CWF19L2: variants seen among roughly 807,000 people sequenced by gnomAD.
CWF19L2 encodes CWF19 like cell cycle control factor 2.
A neutral mutation model predicts 111.7 loss-of-function variants in CWF19L2; 98 were observed. The ratio of observed to expected loss-of-function variants is 0.88; its 90% confidence interval spans 0.75 to 1.04. CWF19L2 has a LOEUF of 1.04. Among genes scored for constraint, CWF19L2 ranks in the 50% least tolerant of loss-of-function variants. The probability of loss-of-function intolerance (pLI) is 0.00; values close to 1 mark genes in which losing one functional copy is unlikely to be tolerated. For missense variants in CWF19L2, 1,101 were observed against 1,051.4 expected, an observed-to-expected ratio of 1.05 and a Z score of -0.65; for synonymous variants, 351 against 342.9, an observed-to-expected ratio of 1.02 and a Z score of -0.26.
chr11:107,355,259 T>C (rs1159898042), intron 12 of CWF19L2, among the ~76,000 whole-genome samples: 1 of 151,804 alleles, frequency 6.6e-6, no homozygotes, highest in African/African-American at 2.4e-5. Flanking sequence ...TTACTAAAAA[T>C]ACAAAAGTAG....
intron 2 of CWF19L2, among the ~76,000 whole-genome samples, chr11:107,455,181 A>G (rs1861835920): frequency 6.6e-6 from 1 of 152,126 alleles, no homozygotes; most frequent in South Asian, 2.1e-4. Flanking sequence ...TCTCACCACA[A>G]AAAAATAAGT....
At position 107,360,325 on chromosome 11, in the gene CWF19L2, C is replaced by T. The variant is rs563398613; in HGVS notation, c.1873-6589G>A. ...AACAAAAAACACAATTTCATTCTTT[C>T]TTATGGGTGAATAGTATTCCATTGT... On this transcript the variant is annotated intron_variant, in intron 12 of 17. Coordinates refer to ENST00000282251, the MANE Select transcript of CWF19L2 (RefSeq NM_152434.3). 2.1e-3 allele frequency among the ~76,000 whole-genome samples: 322 copies of T among 152,270 alleles called. 1 individual carries two copies. The highest frequency in any genetic ancestry group is 3.7e-3 in the Non-Finnish European group (249 of 67,992).
intron 5 of CWF19L2, 28 bp from the exon 6 acceptor site, chr11:107,439,211 A>G (rs1221147980): frequency 7.5e-7 from 1 of 1,332,144 alleles, no homozygotes; most frequent in South Asian, 1.3e-5. Flanking sequence ...CAGAGGTGAA[A>G]TTTCAAAAAA....
chr11:107,359,701 C>T (rs1236588737), intron 12 of CWF19L2, among the ~76,000 whole-genome samples: 1 of 152,018 alleles, frequency 6.6e-6, no homozygotes, highest in Admixed American at 6.5e-5. Context: ...AGGAAGACTC[C>T]TTGAACCCAG....
intron 15 of CWF19L2, 45 bp downstream of exon 15, chr11:107,336,513 C>T (rs1340085611): frequency 1.4e-6 from 2 of 1,455,378 alleles, no homozygotes; most frequent in East Asian, 2.4e-5. Context: ...TAAAATAGCA[C>T]TATAGCAAAA....
Position 107,429,287 on chromosome 11 carries a change from C to T in CWF19L2, c.945G>A (p.Arg315=). The T allele has an allele frequency of 1.2e-6, 2 of 1,612,958 alleles. No individual in the cohort carries two copies. The highest frequency in any genetic ancestry group is 1.7e-6 in the Non-Finnish European group (2 of 1,179,510). ...CAGTATCTGTTGTAGCATATCTATC[C>T]CTTGAACTGTTACCATATTTTACTA... ...SDLVKYGNSS[R]DRYATTDTAK... Residue 315 remains arginine, a synonymous_variant, in exon 8 of 18, where the codon AGG becomes AGA. Coordinates refer to ENST00000282251, the MANE Select transcript of CWF19L2 (RefSeq NM_152434.3).
At chr11:107,427,486 A>C (rs1004667107) in intron 8 of CWF19L2, among the ~76,000 whole-genome samples, 2 of 152,132 alleles carry the variant, frequency 1.3e-5, no homozygotes, top group Non-Finnish European at 2.9e-5. Flanking sequence ...AGAAGCTTAC[A>C]ACTTAAATAA....
At chr11:107,422,572 A>T (rs1316141028) in intron 8 of CWF19L2, among the ~76,000 whole-genome samples, 5 of 152,068 alleles carry the variant, frequency 3.3e-5, no homozygotes, top group Non-Finnish European at 5.9e-5. Context: ...TTATATGTCA[A>T]TTATACCTCA....
At chr11:107,383,173 G>C (rs1025668752) in intron 12 of CWF19L2, among the ~76,000 whole-genome samples, 3 of 152,184 alleles carry the variant, frequency 2.0e-5, no homozygotes, top group African/African-American at 7.2e-5. Flanking sequence ...CGAAGTGGGG[G>C]GGTCATGTGA....
intron 8 of CWF19L2, among the ~76,000 whole-genome samples, chr11:107,424,344 T>C (rs1282113597): frequency 6.6e-6 from 1 of 151,730 alleles, no homozygotes; most frequent in African/African-American, 2.4e-5. Context: ...ACTGACTCTT[T>C]TCCATTAAAT....
chr11:107,404,186 G>C (rs1861046695), intron 10 of CWF19L2: 1 of 776,310 alleles, frequency 1.3e-6, no homozygotes, highest in Non-Finnish European at 2.4e-6. Flanking sequence ...AGGTATGTGG[G>C]GGAATTATGA....
chr11:107,405,644 G>A (rs549984325), intron 10 of CWF19L2, among the ~76,000 whole-genome samples: 2 of 152,138 alleles, frequency 1.3e-5, no homozygotes, highest in Admixed American at 6.6e-5. Context: ...CATTGACCTC[G>A]AGAAGAGTAT....
intron 12 of CWF19L2, among the ~76,000 whole-genome samples, chr11:107,379,684 T>C (rs531341815): frequency 4.7e-4 from 71 of 152,360 alleles, no homozygotes; most frequent in African/African-American, 1.2e-3. Context: ...CTTCTAACCA[T>C]GAAAGCTAAT....
intron 6 of CWF19L2, among the ~76,000 whole-genome samples, chr11:107,437,884 A>T (rs1295014275): frequency 1.3e-5 from 2 of 152,216 alleles, no homozygotes; most frequent in African/African-American, 4.8e-5. Context: ...CCTACATAGT[A>T]ATAGTTGAGT....
intron 7 of CWF19L2, among the ~76,000 whole-genome samples, chr11:107,433,420 C>G (rs1328944301): frequency 6.6e-6 from 1 of 151,940 alleles, no homozygotes; most frequent in Non-Finnish European, 1.5e-5. Context: ...TTAAACACAC[C>G]CACATTTAAG....
intron 12 of CWF19L2, among the ~76,000 whole-genome samples, chr11:107,387,474 C>CAAAAAAAAAAAA (rs201682926): frequency 6.9e-6 from 1 of 145,408 alleles, no homozygotes; most frequent in South Asian, 2.2e-4. Context: ...AAACAAAAAA[C>CAAAAAAAAAAAA]AAAAAAAACC....
chr11:107,336,357 G>C (rs1330749171), intron 15 of CWF19L2, among the ~76,000 whole-genome samples: 1 of 152,098 alleles, frequency 6.6e-6, no homozygotes. Context: ...ATGTTGGCCA[G>C]GCTGGTCTTG....
intron 6 of CWF19L2, 98 bp downstream of exon 6, chr11:107,438,992 C>A: frequency 1.6e-6 from 1 of 611,980 alleles, no homozygotes; most frequent in Non-Finnish European, 2.7e-6. Flanking sequence ...GAGCCATGAT[C>A]GCACCACTGC....
intron 10 of CWF19L2, among the ~76,000 whole-genome samples, chr11:107,400,622 A>G (rs1356537087): frequency 6.6e-6 from 1 of 152,198 alleles, no homozygotes; most frequent in Non-Finnish European, 1.5e-5. Context: ...TCACAGATGA[A>G]TTCTACCAGA....
Sources: gnomAD v4.1 joint callset for allele counts (sites outside exome capture counted in the v4.1 genomes callset) on GRCh38, gnomAD v4.1.1 for gene constraint, MANE v1.5 for transcripts, NCBI Gene and HGNC (gene_info 2026-07-23, HGNC 2026-07-21) for gene names.